The following PRRC2B variants were observed in gnomAD, a reference collection of about 807,000 sequenced individuals.
PRRC2B encodes the protein protein PRRC2B.
Under a neutral mutation model 242.3 loss-of-function variants are expected in PRRC2B, and 68 were observed. That is an observed-to-expected ratio of 0.28 (90% CI 0.23 to 0.34). The LOEUF (loss-of-function observed/expected upper bound fraction) is 0.34, where lower values mean the gene tolerates loss of function less well. Among genes scored for constraint, PRRC2B ranks in the 10% least tolerant of loss-of-function variants. The probability of loss-of-function intolerance (pLI) is 1.00; values close to 1 mark genes in which losing one functional copy is unlikely to be tolerated. For synonymous variants in PRRC2B, 1,228 were observed against 1,173.6 expected, an observed-to-expected ratio of 1.05 and a Z score of -0.95; for missense variants, 2,835 against 2,954.8, an observed-to-expected ratio of 0.96 and a Z score of 0.94.
At chr9:131,491,331 A>G in intron 28 of PRRC2B, 94 bp from the exon 29 acceptor site, 1 of 1,229,882 alleles carries the variant, frequency 8.1e-7, no homozygotes, top group East Asian at 2.6e-5. Context: ...TCTGAAGTGT[A>G]TGAATCTGAA....
At chr9:131,470,711 TG>T in intron 13 of PRRC2B, 76 bp from the exon 14 acceptor site, 1 of 1,237,408 alleles carries the variant, frequency 8.1e-7, no homozygotes, top group Non-Finnish European at 1.2e-6. Flanking sequence ...GCTGGAAAGC[TG>T]GAAGGGCGTG....
At chr9:131,493,147 C>G (rs1377533191) in intron 30 of PRRC2B, among the ~76,000 whole-genome samples, 1 of 32,156 alleles carries the variant, frequency 3.1e-5, no homozygotes, top group Non-Finnish European at 1.3e-4. Context: ...TTGCTGCCCT[C>G]CCTCTGCCCC....
In PRRC2B at chr9:131,482,686, C is replaced by A; in HGVS notation, c.5176-24C>A. On this transcript the variant is annotated intron_variant, in intron 21 of 31. Coordinates refer to ENST00000683519, the MANE Select transcript of PRRC2B (RefSeq NM_013318.4). This position sits in a 1 kb window ranked among gnomAD's most constrained non-coding sequence, Gnocchi z 5.2. Reference sequence around the variant, plus strand: ...TGTGGTCATTCCAGTCTGTGTGTCTCCACCTCTCTGCTTTTTTATCAAGGA... The same window carrying A: ...TGTGGTCATTCCAGTCTGTGTGTCTACACCTCTCTGCTTTTTTATCAAGGA... 1 of 1,542,856 alleles carries A rather than the reference C, an allele frequency of 6.5e-7. No homozygotes were observed.
intron 29 of PRRC2B, 89 bp from the exon 30 acceptor site, chr9:131,492,080 C>A (rs1944211567): frequency 9.8e-7 from 1 of 1,024,028 alleles, no homozygotes; most frequent in Non-Finnish European, 1.5e-6. Context: ...ATGGCCCTCA[C>A]CACCTCTGCC....
chr9:131,496,627 A>ATG lies in PRRC2B; in HGVS notation c.*753_*754insTG, dbSNP rs1491488239. 7.0e-6 allele frequency: 1 copy of ATG among 142,638 alleles called. No individual in the cohort carries two copies. The highest frequency in any genetic ancestry group is 2.7e-5 in the African/African-American group (1 of 37,526). The allele number at this position is 142,638 out of a possible 1,614,324, so 8.8% of individuals were successfully genotyped here. On this transcript the variant is annotated 3_prime_UTR_variant, in exon 32 of 32. Coordinates refer to ENST00000683519, the MANE Select transcript of PRRC2B (RefSeq NM_013318.4). ...CTCAGAGCAGCAGGCAGGTTGGGGG[A>ATG]GGGGGGGGGTCATAGTTGGGTTCCA...
intron 1 of PRRC2B, among the ~76,000 whole-genome samples, chr9:131,402,371 A>G (rs1186119829): frequency 2.0e-5 from 3 of 152,140 alleles, no homozygotes; most frequent in Non-Finnish European, 4.4e-5. Context: ...TGTCTGGCTT[A>G]TTTTTAGCAT....
chr9:131,470,766 G>T, intron 13 of PRRC2B, 22 bp from the exon 14 acceptor site: 1 of 1,577,876 alleles, frequency 6.3e-7, no homozygotes, highest in East Asian at 2.3e-5. Flanking sequence ...GCCTGACCAA[G>T]TCTCTCTCTC....
chr9:131,484,926 C>T lies in PRRC2B; in HGVS notation c.5566-22C>T. On this transcript the variant is annotated intron_variant, in intron 24 of 31. Transcript: ENST00000683519. ...CAGCGTGATAGTAATTTTCATCCCT[C>T]CCCCTCCCCTTGCTTCTGAAGATGG... 4 of 1,597,368 alleles carry T rather than the reference C, an allele frequency of 2.5e-6. No homozygotes were observed. In the South Asian group the frequency reaches 3.3e-5, roughly 13 times the overall value.
chr9:131,490,381 A>C, intron 28 of PRRC2B: 1 of 504,902 alleles, frequency 2.0e-6, no homozygotes, highest in East Asian at 5.5e-5. Context: ...ATCATACCCC[A>C]AGTCAGCACT....
intron 8 of PRRC2B, among the ~76,000 whole-genome samples, 165 bp from the exon 9 acceptor site, chr9:131,447,497 C>T (rs1208078063): frequency 6.6e-6 from 1 of 152,140 alleles, no homozygotes; most frequent in Non-Finnish European, 1.5e-5. Flanking sequence ...GAACTTCTTT[C>T]TGGGATGTAC....
intron 1 of PRRC2B, among the ~76,000 whole-genome samples, chr9:131,414,778 C>T (rs1837601206): frequency 6.6e-6 from 1 of 151,922 alleles, no homozygotes; most frequent in Non-Finnish European, 1.5e-5. Flanking sequence ...CCATATTGGC[C>T]AGGCTGGTCT....
At chr9:131,410,566 G>A (rs1837482599) in intron 1 of PRRC2B, among the ~76,000 whole-genome samples, 1 of 152,214 alleles carries the variant, frequency 6.6e-6, no homozygotes, top group African/African-American at 2.4e-5. Flanking sequence ...TTCAGGTTCA[G>A]ATTTTTTAGA....
intron 1 of PRRC2B, among the ~76,000 whole-genome samples, chr9:131,399,009 C>T (rs572578045): frequency 1.3e-5 from 2 of 151,788 alleles, no homozygotes; most frequent in South Asian, 4.2e-4. Context: ...GGCACGGTGG[C>T]TCACGCCTGT....
At chr9:131,481,598 G>A (rs1466179752) in intron 19 of PRRC2B, 128 bp from the exon 20 acceptor site, 7 of 720,630 alleles carry the variant, frequency 9.7e-6, no homozygotes, top group Admixed American at 8.4e-5. Context: ...GGGCTGGGGT[G>A]GCGGGTGCAG....
At chr9:131,397,786 G>A (rs1341480991) in intron 1 of PRRC2B, among the ~76,000 whole-genome samples, 2 of 151,820 alleles carry the variant, frequency 1.3e-5, no homozygotes, top group East Asian at 1.9e-4. Flanking sequence ...CTTGTCATGG[G>A]CGGACAGGTA....
At chr9:131,456,849 G>C (rs993667125) in intron 10 of PRRC2B, among the ~76,000 whole-genome samples, 1 of 152,178 alleles carries the variant, frequency 6.6e-6, no homozygotes, top group African/African-American at 2.4e-5. Flanking sequence ...GTCATAATTT[G>C]TATTTTTTGA....
intron 16 of PRRC2B, 84 bp downstream of exon 16, chr9:131,476,619 G>GC (rs1450645972): frequency 7.7e-7 from 1 of 1,291,192 alleles, no homozygotes; most frequent in African/African-American, 1.5e-5. Context: ...TGCCGATGCC[G>GC]CCGTGTGTCG....
upstream of PRRC2B, among the ~76,000 whole-genome samples, chr9:131,392,253 C>T (rs1836911603): frequency 6.6e-6 from 1 of 151,916 alleles, no homozygotes; most frequent in African/African-American, 2.4e-5. Context: ...CGACTGCCAC[C>T]ATGCCTGGCT....
intron 11 of PRRC2B, among the ~76,000 whole-genome samples, chr9:131,464,432 A>G (rs1035728600): frequency 6.6e-6 from 1 of 152,142 alleles, no homozygotes; most frequent in Non-Finnish European, 1.5e-5. Context: ...TTGCATGCCC[A>G]TCAGCAGTGG....
Sources: gnomAD v4.1 joint callset for allele counts (sites outside exome capture counted in the v4.1 genomes callset) on GRCh38, gnomAD v4.1.1 for gene constraint, Gnocchi (gnomAD v3.1) non-coding constraint, MANE v1.5 for transcripts, NCBI Gene and HGNC (gene_info 2026-07-23, HGNC 2026-07-21) for gene names.